The following SNX4 variants were observed in gnomAD, a reference collection of about 807,000 sequenced individuals.
The protein encoded by SNX4 is sorting nexin 4, also known as sorting nexin-4.
In SNX4, 49 loss-of-function variants were observed where a neutral mutation model predicts 70.8. The ratio of observed to expected loss-of-function variants is 0.69; its 90% CI spans 0.55 to 0.88. SNX4 has a LOEUF of 0.88. Ranked by LOEUF, SNX4 falls within the 40% of genes least tolerant of loss-of-function variation. The pLI, the probability that SNX4 is intolerant of heterozygous loss-of-function variation, is 0.00. For synonymous variants in SNX4, 206 were observed against 183.8 expected, an observed-to-expected ratio of 1.12 and a Z score of -0.98; for missense variants, 528 against 544.8, an observed-to-expected ratio of 0.97 and a Z score of 0.31.
chr3:125,473,197 C>A (rs749465482), intron 8 of SNX4, among the ~76,000 whole-genome samples: 2 of 152,134 alleles, frequency 1.3e-5, no homozygotes, highest in Non-Finnish European at 2.9e-5. Flanking sequence ...CCTCCCTCCC[C>A]GCTCTGGCAG....
At chr3:125,507,191 G>GAAAAAAAAAAA (rs753584700) in intron 1 of SNX4, among the ~76,000 whole-genome samples, 11 of 90,766 alleles carry the variant, frequency 1.2e-4, no homozygotes, top group Non-Finnish European at 1.6e-4. Flanking sequence ...CTGGGTGATA[G>GAAAAAAAAAAA]AAAAAAAAAA....
At chr3:125,488,389 T>A (rs1262856582) in intron 6 of SNX4, among the ~76,000 whole-genome samples, 2 of 151,554 alleles carry the variant, frequency 1.3e-5, no homozygotes, top group East Asian at 1.9e-4. Context: ...GCAGGAGAAT[T>A]GATTGAACCC....
In SNX4 at chr3:125,495,471, A is replaced by C. The variant is rs970850432; in HGVS notation, c.597+1870T>G. Among the ~76,000 whole-genome samples, 46 of 150,910 alleles carry C rather than the reference A, an allele frequency of 3.0e-4. 1 individual carries two copies. Among genetic ancestry groups the C allele is most frequent in the African/African-American group, 1.1e-3 (46 of 40,496 alleles). ...TTTCCGAATTCTCTCCATCAATTTT[A>C]TTTCTGGCTCACTACATTAGAAGTC... On this transcript the variant is annotated intron_variant, in intron 5 of 13. Transcript: ENST00000251775.
intron 1 of SNX4, among the ~76,000 whole-genome samples, chr3:125,517,524 A>C (rs1486426428): frequency 6.6e-6 from 1 of 152,214 alleles, no homozygotes; most frequent in East Asian, 1.9e-4. Context: ...AGACCTTCAA[A>C]GGACGGGTTT....
intron 8 of SNX4, among the ~76,000 whole-genome samples, chr3:125,471,122 A>G (rs1305902963): frequency 6.6e-6 from 1 of 152,138 alleles, no homozygotes; most frequent in African/African-American, 2.4e-5. Context: ...AGGAGGGCAG[A>G]TCACCTGAGG....
intron 1 of SNX4, among the ~76,000 whole-genome samples, chr3:125,510,319 C>A (rs1255319164): frequency 6.6e-6 from 1 of 151,662 alleles, no homozygotes; most frequent in Non-Finnish European, 1.5e-5. Context: ...GCTCCGCCTT[C>A]CGGGTTCACG....
In SNX4 at chr3:125,498,058, C is replaced by T; in HGVS notation, c.399+1G>A. ...TAAACTACTGCCATTTCACTTCTTACCCGTTTTTCTGGCAGAGGTGGCACA... is the reference window on the plus strand; with the variant it reads ...TAAACTACTGCCATTTCACTTCTTATCCGTTTTTCTGGCAGAGGTGGCACA... On this transcript the variant is annotated splice_donor_variant, in intron 3 of 13. Coordinates refer to ENST00000251775, the MANE Select transcript of SNX4 (RefSeq NM_003794.4). LOFTEE classifies it high-confidence loss of function. 1 of 1,614,054 alleles carries T rather than the reference C, an allele frequency of 6.2e-7. No individual in the cohort carries two copies. Among genetic ancestry groups the T allele is most frequent in the Non-Finnish European group, 8.5e-7 (1 of 1,180,000 alleles).
At chr3:125,463,039 G>A (rs1933923686) in intron 9 of SNX4, among the ~76,000 whole-genome samples, 2 of 152,166 alleles carry the variant, frequency 1.3e-5, no homozygotes, top group Non-Finnish European at 2.9e-5. Flanking sequence ...GATACAACAG[G>A]TATCCTTCTT....
intron 9 of SNX4, among the ~76,000 whole-genome samples, chr3:125,469,167 C>G (rs1310888669): frequency 6.6e-6 from 1 of 152,088 alleles, no homozygotes; most frequent in Non-Finnish European, 1.5e-5. Context: ...GTTGATGAGA[C>G]TTTTTACTGT....
chr3:125,449,015 A>C (rs1211709503), intron 13 of SNX4: 1 of 152,154 alleles, frequency 6.6e-6, no homozygotes, highest in Non-Finnish European at 1.5e-5. Context: ...AATAAGATAC[A>C]TATTCTCCAA....
intron 6 of SNX4, among the ~76,000 whole-genome samples, chr3:125,482,916 G>A (rs1056183771): frequency 6.6e-6 from 1 of 152,018 alleles, no homozygotes; most frequent in South Asian, 2.1e-4. Context: ...TATCCAAGAT[G>A]GAAGGTGGAA....
At chr3:125,496,164 C>T (rs983763054) in intron 5 of SNX4, among the ~76,000 whole-genome samples, 1 of 152,054 alleles carries the variant, frequency 6.6e-6, no homozygotes, top group Non-Finnish European at 1.5e-5. Flanking sequence ...TATGGTGGCA[C>T]GCGCCTGTAG....
chr3:125,468,568 G>A (rs566135348), intron 9 of SNX4, among the ~76,000 whole-genome samples: 107 of 152,004 alleles, frequency 7.0e-4, no homozygotes, highest in Non-Finnish European at 1.3e-3. Flanking sequence ...AATTCAATCT[G>A]GGAACAGCGG....
intron 1 of SNX4, among the ~76,000 whole-genome samples, chr3:125,518,650 T>C (rs10934714): frequency 0.094 from 14,284 of 152,040 alleles, 758 homozygotes; most frequent in African/African-American, 0.1. Flanking sequence ...CAGGTGGGCA[T>C]GAGCCCAGGA....
chr3:125,463,700 C>CA (rs1255483576), intron 9 of SNX4, among the ~76,000 whole-genome samples: 1 of 152,014 alleles, frequency 6.6e-6, no homozygotes, highest in Non-Finnish European at 1.5e-5. Flanking sequence ...TTACAGTGTA[C>CA]AATGTGATGT....
intron 12 of SNX4, among the ~76,000 whole-genome samples, chr3:125,452,305 A>C (rs369223832): frequency 1.1e-4 from 17 of 152,284 alleles, no homozygotes; most frequent in East Asian, 7.7e-4. Flanking sequence ...CATGTTGGCC[A>C]GGCTGGTCTT....
At chr3:125,455,848 C>G (rs1314201953) in intron 11 of SNX4, among the ~76,000 whole-genome samples, 3 of 151,624 alleles carry the variant, frequency 2.0e-5, no homozygotes, top group Admixed American at 2.0e-4. Context: ...CCCGTCTGTA[C>G]TAAAAGTGCA....
chr3:125,511,333 T>C (rs1269818622), intron 1 of SNX4, among the ~76,000 whole-genome samples: 2 of 152,348 alleles, frequency 1.3e-5, no homozygotes, highest in Non-Finnish European at 1.5e-5. Context: ...TCAAATATTA[T>C]ACATATGCCG....
At chr3:125,507,923 C>T (rs556330101) in intron 1 of SNX4, among the ~76,000 whole-genome samples, 1 of 151,040 alleles carries the variant, frequency 6.6e-6, no homozygotes, top group Non-Finnish European at 1.5e-5. Context: ...AAAAAGAAAA[C>T]AAAACAAAAA....
Sources: allele counts gnomAD v4.1 joint callset (sites outside exome capture counted in the v4.1 genomes callset), GRCh38; gene constraint gnomAD v4.1.1; transcripts MANE v1.5; gene names NCBI Gene and HGNC (gene_info 2026-07-23, HGNC 2026-07-21).